C7orf78: variants seen among roughly 807,000 people sequenced by gnomAD.
C7orf78 encodes chromosome 7 open reading frame 78.
chr7:12,496,664 C>A, the C7orf78 span: 4 of 152,160 alleles, frequency 2.6e-5, no homozygotes, highest in Non-Finnish European at 5.9e-5. Context: ...TAGCCAATTA[C>A]TTATAATTTA....
the C7orf78 span, among the ~76,000 whole-genome samples, chr7:12,518,551 G>A: frequency 1.3e-5 from 2 of 152,176 alleles, no homozygotes. Flanking sequence ...GATGGCACAT[G>A]TGAGTGTGTG....
At chr7:12,529,954 G>A in the C7orf78 span, among the ~76,000 whole-genome samples, 1 of 152,138 alleles carries the variant, frequency 6.6e-6, no homozygotes, top group Admixed American at 6.5e-5. Context: ...AAATTAAGGG[G>A]TGGGTTATCC....
chr7:12,508,692 G>C, the C7orf78 span, among the ~76,000 whole-genome samples: 1 of 152,298 alleles, frequency 6.6e-6, no homozygotes, highest in South Asian at 2.1e-4. Flanking sequence ...AACAGGAGGT[G>C]AACAGAGGGC....
chr7:12,523,494 C>T, the C7orf78 span: 1 of 396,772 alleles, frequency 2.5e-6, no homozygotes, highest in Non-Finnish European at 4.4e-6. Flanking sequence ...ATTTTTTATT[C>T]ATTTCTTAAT....
the C7orf78 span, among the ~76,000 whole-genome samples, chr7:12,518,360 C>T: frequency 6.6e-6 from 1 of 152,120 alleles, no homozygotes; most frequent in Non-Finnish European, 1.5e-5. Flanking sequence ...ATGTCTTGCC[C>T]AGATGCTGGT....
At chr7:12,495,096 C>T in the C7orf78 span, among the ~76,000 whole-genome samples, 1 of 152,182 alleles carries the variant, frequency 6.6e-6, no homozygotes, top group Non-Finnish European at 1.5e-5. Context: ...GAATTCTTAC[C>T]ACCCAAAATG....
At chr7:12,535,234 C>A in the C7orf78 span, among the ~76,000 whole-genome samples, 1 of 152,114 alleles carries the variant, frequency 6.6e-6, no homozygotes, top group East Asian at 1.9e-4. Flanking sequence ...GGGCAATTTA[C>A]AAAAGAAAGA....
At chr7:12,498,794 A>G in the C7orf78 span, among the ~76,000 whole-genome samples, 1 of 149,846 alleles carries the variant, frequency 6.7e-6, no homozygotes, top group Non-Finnish European at 1.5e-5. Flanking sequence ...AGATTCACCA[A>G]AGTTGAAATG....
At chr7:12,519,741 A>T in the C7orf78 span, among the ~76,000 whole-genome samples, 114 of 152,232 alleles carry the variant, frequency 7.5e-4, no homozygotes, top group African/African-American at 2.6e-3. Flanking sequence ...ACTCTGTTGG[A>T]CTAAAGTACT....
chr7:12,535,850 T>C, the C7orf78 span, among the ~76,000 whole-genome samples: 1 of 152,160 alleles, frequency 6.6e-6, no homozygotes, highest in African/African-American at 2.4e-5. Context: ...ACCTTAAAGC[T>C]TCAAAATGAT....
At chr7:12,540,063 T>A in the C7orf78 span, among the ~76,000 whole-genome samples, 301 of 152,314 alleles carry the variant, frequency 2.0e-3, 1 homozygote, top group African/African-American at 5.7e-3. Flanking sequence ...ATTGGGTTGG[T>A]TTCAATGGAA....
chr7:12,528,972 T>C, the C7orf78 span: 1 of 398,512 alleles, frequency 2.5e-6, no homozygotes, highest in Non-Finnish European at 4.4e-6. Flanking sequence ...CCCACAAGCA[T>C]TGTGAATGCA....
chr7:12,497,463 C>A, the C7orf78 span, among the ~76,000 whole-genome samples: 361 of 79,222 alleles, frequency 4.6e-3, 2 homozygotes, highest in African/African-American at 0.015. Context: ...AAAGGGGTGA[C>A]GGACGGCACC....
At chr7:12,531,547 C>A in the C7orf78 span, among the ~76,000 whole-genome samples, 1 of 152,092 alleles carries the variant, frequency 6.6e-6, no homozygotes, top group Non-Finnish European at 1.5e-5. Context: ...ATGATATATA[C>A]AAACTGCTGG....
the C7orf78 span, among the ~76,000 whole-genome samples, chr7:12,522,791 T>G: frequency 6.6e-6 from 1 of 152,200 alleles, no homozygotes; most frequent in African/African-American, 2.4e-5. Context: ...GTGACAAAGG[T>G]GCTGAATAAA....
the C7orf78 span, among the ~76,000 whole-genome samples, chr7:12,484,555 T>G: frequency 7.2e-5 from 11 of 152,326 alleles, no homozygotes; most frequent in Admixed American, 2.6e-4. Context: ...ATTTGGTTAT[T>G]TTCTTATAAT....
chr7:12,526,240 G>C, the C7orf78 span, among the ~76,000 whole-genome samples: 2 of 152,004 alleles, frequency 1.3e-5, no homozygotes, highest in Non-Finnish European at 2.9e-5. Context: ...CTATCTATTG[G>C]TTTCCTTATC....
chr7:12,521,959 A>C, the C7orf78 span, among the ~76,000 whole-genome samples: 1 of 151,982 alleles, frequency 6.6e-6, no homozygotes, highest in Non-Finnish European at 1.5e-5. Context: ...TTATAAAATA[A>C]AAATATTTAT....
chr7:12,525,861 G>C, the C7orf78 span: 1 of 396,802 alleles, frequency 2.5e-6, no homozygotes, highest in Non-Finnish European at 4.4e-6. Flanking sequence ...CTTATGAAAA[G>C]GACCCCTTTG....
Sources: allele counts gnomAD v4.1 joint callset (sites outside exome capture counted in the v4.1 genomes callset), GRCh38; gene constraint gnomAD v4.1.1; transcripts MANE v1.5; gene names NCBI Gene and HGNC (gene_info 2026-07-23, HGNC 2026-07-21).